ZBTB46: variants seen among roughly 807,000 people sequenced by gnomAD.
The protein encoded by ZBTB46 is zinc finger and BTB domain containing 46.
In ZBTB46, 8 loss-of-function variants were observed where a neutral mutation model predicts 44.1. The observed-to-expected ratio is 0.18, with a 90% confidence interval of 0.11 to 0.33. The LOEUF (loss-of-function observed/expected upper bound fraction) is 0.33, where lower values mean the gene tolerates loss of function less well. Among genes scored for constraint, ZBTB46 ranks in the 10% least tolerant of loss-of-function variants. The probability of loss-of-function intolerance (pLI) is 1.00; values close to 1 mark genes in which losing one functional copy is unlikely to be tolerated. For synonymous variants in ZBTB46, 409 were observed against 382.3 expected (o/e 1.07, Z -0.81); for missense variants, 651 against 847.7 (o/e 0.77, Z 2.88).
At chr20:63,828,867 G>A (rs572216901) in intron 1 of ZBTB46, among the ~76,000 whole-genome samples, 1 of 152,374 alleles carries the variant, frequency 6.6e-6, no homozygotes, top group East Asian at 1.9e-4. Flanking sequence ...GGCTCTGAGA[G>A]GCCGGGCTAA....
At chr20:63,786,026 G>A (rs986816839) in intron 2 of ZBTB46, among the ~76,000 whole-genome samples, 2 of 152,190 alleles carry the variant, frequency 1.3e-5, no homozygotes, top group Non-Finnish European at 2.9e-5. Context: ...TAATACAAAG[G>A]CCTCCAGCAC....
intron 1 of ZBTB46, among the ~76,000 whole-genome samples, chr20:63,796,164 C>A (rs1009177230): frequency 6.6e-6 from 1 of 152,206 alleles, no homozygotes; most frequent in Non-Finnish European, 1.5e-5. Flanking sequence ...TTATTTTTCC[C>A]CGCGTCCCTA....
At chr20:63,806,611 A>C (rs959148439) in intron 1 of ZBTB46, among the ~76,000 whole-genome samples, 1 of 151,976 alleles carries the variant, frequency 6.6e-6, no homozygotes, top group Non-Finnish European at 1.5e-5. Context: ...ATATGATGGA[A>C]TCTTTCTCTT....
At chr20:63,779,227 TAATTAATTA>T (rs2092449075) in intron 2 of ZBTB46, among the ~76,000 whole-genome samples, 1 of 151,178 alleles carries the variant, frequency 6.6e-6, no homozygotes, top group South Asian at 2.1e-4. Flanking sequence ...TTATTTTATT[TAATTAATTA>T]ATTAATTTAT....
chr20:63,770,418 T>G (rs531268737), intron 3 of ZBTB46, among the ~76,000 whole-genome samples: 3 of 152,322 alleles, frequency 2.0e-5, no homozygotes, highest in Non-Finnish European at 4.4e-5. Context: ...CAGAATTGAA[T>G]GAGAAGTATG....
intron 3 of ZBTB46, among the ~76,000 whole-genome samples, chr20:63,769,035 A>G (rs760985268): frequency 1.3e-5 from 2 of 152,246 alleles, no homozygotes; most frequent in African/African-American, 2.4e-5. Flanking sequence ...GCAAAAGCGA[A>G]TAACTCGGCT....
In ZBTB46 at chr20:63,774,585, A is replaced by G. The variant is rs369129859; in HGVS notation, c.1222+1093T>C. Among the ~76,000 whole-genome samples, 53 of 152,026 alleles carry G rather than the reference A, an allele frequency of 3.5e-4. No individual in the cohort carries two copies. The South Asian group carries it at 9.6e-3, about 27-fold the overall frequency. On this transcript the variant is annotated intron_variant, in intron 3 of 4. Transcript: ENST00000245663. ...AGGCGCCTCACTCACTCTCAGCCGC[A>G]TGCTGAGTGCCAGCTATGTGCTAGG... is the stretch of plus-strand genomic sequence containing the variant.
At chr20:63,822,140 G>C (rs376625517) in intron 1 of ZBTB46, among the ~76,000 whole-genome samples, 1 of 152,184 alleles carries the variant, frequency 6.6e-6, no homozygotes, top group Non-Finnish European at 1.5e-5. Context: ...ACACAGCCCT[G>C]ATCAAGCGGA....
intron 1 of ZBTB46, among the ~76,000 whole-genome samples, chr20:63,813,351 A>C (rs1373489123): frequency 6.6e-6 from 1 of 152,000 alleles, no homozygotes; most frequent in Non-Finnish European, 1.5e-5. Flanking sequence ...CGGGAGGCTG[A>C]GGCAGGAGAA....
At chr20:63,822,228 C>T (rs774477342) in intron 1 of ZBTB46, among the ~76,000 whole-genome samples, 42 of 152,192 alleles carry the variant, frequency 2.8e-4, no homozygotes, top group Non-Finnish European at 5.4e-4. Context: ...CTCACAGCGT[C>T]GGGAACCGGA....
At chr20:63,797,430 CT>C (rs2145962161) in intron 1 of ZBTB46, among the ~76,000 whole-genome samples, 1 of 152,240 alleles carries the variant, frequency 6.6e-6, no homozygotes, top group East Asian at 1.9e-4. Context: ...GGTTCCAAGT[CT>C]TTACTATCGT....
At chr20:63,797,349 T>A (rs1233040308) in intron 1 of ZBTB46, among the ~76,000 whole-genome samples, 1 of 152,180 alleles carries the variant, frequency 6.6e-6, no homozygotes. Flanking sequence ...TTTTTATGGC[T>A]GCATAGTATT....
chr20:63,764,824 C>T (rs1274914699), intron 3 of ZBTB46, among the ~76,000 whole-genome samples: 1 of 152,112 alleles, frequency 6.6e-6, no homozygotes, highest in African/African-American at 2.4e-5. Context: ...GTCTCGAACT[C>T]CTGACCTCAG....
At chr20:63,760,679 G>A (rs1318845070) in intron 3 of ZBTB46, among the ~76,000 whole-genome samples, 4 of 152,004 alleles carry the variant, frequency 2.6e-5, no homozygotes, top group Admixed American at 6.6e-5. Flanking sequence ...GATGGTCTCG[G>A]ATCTCCTGAC....
At chr20:63,792,733 G>A (rs2092571307) in intron 1 of ZBTB46, among the ~76,000 whole-genome samples, 1 of 152,150 alleles carries the variant, frequency 6.6e-6, no homozygotes, top group South Asian at 2.1e-4. Flanking sequence ...GGCCAGGCTG[G>A]TTTCAAACTC....
At chr20:63,754,653 G>A (rs2092203361) in intron 3 of ZBTB46, among the ~76,000 whole-genome samples, 1 of 150,712 alleles carries the variant, frequency 6.6e-6, no homozygotes, top group South Asian at 2.1e-4. Context: ...AGGCTGGAGT[G>A]CAGTGGCTCG....
intron 4 of ZBTB46, among the ~76,000 whole-genome samples, chr20:63,750,372 A>G (rs144316092): frequency 1.3e-5 from 2 of 150,684 alleles, no homozygotes; most frequent in African/African-American, 2.4e-5. Context: ...CAGCCTCTCA[A>G]GTAGCTGGGA....
At chr20:63,828,997 A>G (rs1222321140) in intron 1 of ZBTB46, among the ~76,000 whole-genome samples, 1 of 152,250 alleles carries the variant, frequency 6.6e-6, no homozygotes, top group African/African-American at 2.4e-5. Context: ...AGTGTTGGAA[A>G]GTTCACTCTG....
At chr20:63,831,065 G>T (rs1191460237) in intron 1 of ZBTB46, 32 bp downstream of exon 1, 1 of 140,946 alleles carries the variant, frequency 7.1e-6, no homozygotes, top group Non-Finnish European at 1.6e-5. Flanking sequence ...GCGCCCGCCC[G>T]GCCGCGCGGA....
Sources: allele counts gnomAD v4.1 joint callset (sites outside exome capture counted in the v4.1 genomes callset), GRCh38; gene constraint gnomAD v4.1.1; transcripts MANE v1.5; gene names NCBI Gene and HGNC (gene_info 2026-07-23, HGNC 2026-07-21).